The following CEP63 variants were observed in gnomAD, a reference collection of about 807,000 sequenced individuals.
CEP63 encodes the protein centrosomal protein 63.
A neutral mutation model predicts 89.1 loss-of-function variants in CEP63; 84 were observed. The ratio of observed to expected loss-of-function variants is 0.94; its 90% CI spans 0.79 to 1.13. The LOEUF (loss-of-function observed/expected upper bound fraction) is 1.13. Ranked by LOEUF, CEP63 falls within the 50% of genes most tolerant of loss-of-function variation. CEP63 has a pLI of 0.00. For synonymous variants in CEP63, 267 were observed against 272.5 expected (o/e 0.98, Z 0.20); for missense variants, 838 against 813.3 (o/e 1.03, Z -0.37).
chr3:134,621,735 A>G, the CEP63 span, among the ~76,000 whole-genome samples: 1 of 152,222 alleles, frequency 6.6e-6, no homozygotes, highest in African/African-American at 2.4e-5. Flanking sequence ...TGAAAATAAA[A>G]AATTTCTGTG....
chr3:134,645,853 C>T, the CEP63 span, among the ~76,000 whole-genome samples: 1 of 152,166 alleles, frequency 6.6e-6, no homozygotes, highest in African/African-American at 2.4e-5. Flanking sequence ...CAATGTGTCA[C>T]TTTGTGTTTT....
chr3:134,735,759 G>A, the CEP63 span, among the ~76,000 whole-genome samples: 2 of 152,050 alleles, frequency 1.3e-5, no homozygotes, highest in Non-Finnish European at 2.9e-5. Context: ...GACTGTAATT[G>A]AATCATAACT....
chr3:134,523,130 A>C (rs1235483559), intron 3 of CEP63, among the ~76,000 whole-genome samples: 1 of 152,016 alleles, frequency 6.6e-6, no homozygotes, highest in Admixed American at 6.6e-5. Context: ...TGTGGTTTTG[A>C]TTTGTGTTTC....
chr3:134,704,764 G>T, the CEP63 span, among the ~76,000 whole-genome samples: 2 of 152,234 alleles, frequency 1.3e-5, no homozygotes, highest in African/African-American at 4.8e-5. Context: ...GGACTAGCTG[G>T]ACAAGCTGGG....
intron 10 of CEP63, among the ~76,000 whole-genome samples, chr3:134,585,239 G>A (rs1407869482): frequency 6.6e-6 from 1 of 151,882 alleles, no homozygotes; most frequent in East Asian, 1.9e-4. Context: ...GCTTTTGAAT[G>A]TGTTTGCTCT....
chr3:134,772,315 G>T, the CEP63 span, among the ~76,000 whole-genome samples: 7 of 152,170 alleles, frequency 4.6e-5, no homozygotes, highest in African/African-American at 1.7e-4. Context: ...GACTTGGCTG[G>T]CCTCCCTCTC....
At chr3:134,731,008 G>GT in the CEP63 span, among the ~76,000 whole-genome samples, 1 of 152,070 alleles carries the variant, frequency 6.6e-6, no homozygotes, top group Non-Finnish European at 1.5e-5. Flanking sequence ...TAATATTTAT[G>GT]TTTTTTAAAG....
At chr3:134,507,327 TTG>T (rs1374026114) in intron 3 of CEP63, 41 bp downstream of exon 3, 2 of 1,408,418 alleles carry the variant, frequency 1.4e-6, no homozygotes, top group South Asian at 1.2e-5. Flanking sequence ...CATTTTTATC[TTG>T]TCTTTTATAT....
chr3:134,755,221 G>GCCCTGAA, the CEP63 span, among the ~76,000 whole-genome samples: 6 of 87,646 alleles, frequency 6.8e-5, no homozygotes, highest in African/African-American at 2.1e-4. Flanking sequence ...AGAGGCCAGA[G>GCCCTGAA]CCCTGAACCC....
chr3:134,509,904 A>T (rs192226958), intron 3 of CEP63, among the ~76,000 whole-genome samples: 1 of 152,354 alleles, frequency 6.6e-6, no homozygotes, highest in Non-Finnish European at 1.5e-5. Flanking sequence ...TAAACATTTT[A>T]AACAGCAGAA....
At chr3:134,731,255 C>T in the CEP63 span, among the ~76,000 whole-genome samples, 1 of 152,112 alleles carries the variant, frequency 6.6e-6, no homozygotes, top group South Asian at 2.1e-4. Flanking sequence ...GTATGATAAA[C>T]TTGATTCAGT....
chr3:134,584,807 C>T (rs1004712081), intron 10 of CEP63, among the ~76,000 whole-genome samples: 6 of 152,064 alleles, frequency 3.9e-5, no homozygotes, highest in African/African-American at 1.4e-4. Context: ...CCATCTGGTC[C>T]TGGACTTTTT....
At position 134,550,105 on chromosome 3, in the gene CEP63, G is replaced by A; in HGVS notation, c.1225G>A (p.Ala409Thr). 2 of 1,613,924 alleles carry A rather than the reference G, an allele frequency of 1.2e-6. No homozygotes were observed. Among genetic ancestry groups the A allele is most frequent in the Non-Finnish European group, 1.7e-6 (2 of 1,179,886 alleles). The change falls in exon 11 of 15, where the codon GCA becomes ACA. Residue 409 changes from alanine (A) to threonine (T), a missense_variant. Coordinates refer to ENST00000675561, the MANE Select transcript of CEP63 (RefSeq NM_001353108.3). ...ACAGGGTGAACAAAGTTACAGTTCT[G>A]CACTAGAAGGAATGAAGATGGAAAT... The part of the protein sequence containing the change: ...ILQGEQSYSS[A>T]LEGMKMEISH...
chr3:134,489,736 A>G (rs971997943), intron 1 of CEP63, among the ~76,000 whole-genome samples: 1 of 152,232 alleles, frequency 6.6e-6, no homozygotes, highest in Non-Finnish European at 1.5e-5. Context: ...AGGAAAGGCA[A>G]GAAAAATGCT....
the CEP63 span, among the ~76,000 whole-genome samples, chr3:134,690,003 A>ATTAGTTATTG: frequency 6.6e-6 from 1 of 152,226 alleles, no homozygotes; most frequent in Non-Finnish European, 1.5e-5. Flanking sequence ...TTAGTTATTT[A>ATTAGTTATTG]CAATTTATAA....
At chr3:134,526,972 T>C (rs906944961) in intron 3 of CEP63, among the ~76,000 whole-genome samples, 10 of 152,280 alleles carry the variant, frequency 6.6e-5, no homozygotes, top group Non-Finnish European at 1.5e-4. Context: ...AAGTTAGGAA[T>C]CCACTGCATT....
chr3:134,525,289 G>A (rs1190355092), intron 3 of CEP63, among the ~76,000 whole-genome samples: 3 of 151,922 alleles, frequency 2.0e-5, no homozygotes, highest in Non-Finnish European at 4.4e-5. Context: ...TAGTCTAGCT[G>A]GTGGTCTGTT....
At chr3:134,769,942 A>G in the CEP63 span, among the ~76,000 whole-genome samples, 4 of 152,232 alleles carry the variant, frequency 2.6e-5, no homozygotes, top group Admixed American at 2.6e-4. Context: ...AATTTCTGAG[A>G]CTGGGAGATC....
chr3:134,654,005 T>G, the CEP63 span, among the ~76,000 whole-genome samples: 1 of 152,222 alleles, frequency 6.6e-6, no homozygotes, highest in Non-Finnish European at 1.5e-5. Context: ...TCTCCATTCT[T>G]GAGCAAAACT....
Sources: allele counts gnomAD v4.1 joint callset (sites outside exome capture counted in the v4.1 genomes callset), GRCh38; gene constraint gnomAD v4.1.1; transcripts MANE v1.5; gene names NCBI Gene and HGNC (gene_info 2026-07-23, HGNC 2026-07-21).